Variants in PCYT2 observed in about 807,000 individuals in gnomAD.
PCYT2 encodes the protein phosphate cytidylyltransferase 2, ethanolamine.
A neutral mutation model predicts 50.0 loss-of-function variants in PCYT2; 33 were observed. The observed-to-expected ratio is 0.66, with a 90% confidence interval of 0.50 to 0.88. PCYT2 has a LOEUF of 0.88. Among genes scored for constraint, PCYT2 ranks in the 40% least tolerant of loss-of-function variants. The probability of loss-of-function intolerance (pLI) is 0.00; values close to 1 mark genes in which losing one functional copy is unlikely to be tolerated. For synonymous variants in PCYT2, 240 were observed against 203.7 expected, an observed-to-expected ratio of 1.18 and a Z score of -1.52; for missense variants, 430 against 519.7, an observed-to-expected ratio of 0.83 and a Z score of 1.68.
Position 81,908,898 on chromosome 17 carries a change from G to T in PCYT2, c.318C>A (p.Asn106Lys), listed in dbSNP as rs1317977640. 46 of 1,613,806 alleles carry T rather than the reference G, an allele frequency of 2.9e-5. No individual in the cohort carries two copies. The highest frequency in any genetic ancestry group is 3.9e-5 in the Non-Finnish European group (46 of 1,179,970). Residue 106 changes from asparagine to lysine, a missense_variant, in exon 3 of 13, where the codon AAC (asparagine) becomes AAA (lysine). By Grantham distance (94) the Asn-to-Lys change is moderately conservative. This residue lies in a region of PCYT2 where 117 missense variants were observed against 163.9 expected (regional missense o/e 0.71). Coordinates refer to ENST00000538936, the MANE Select transcript of PCYT2 (RefSeq NM_002861.5). The stretch of plus-strand genomic sequence containing the variant: ...CACTGCCGTGAACACAGAAGTCACA[G>T]TTGTATTTGTCCAGGGTCTCTAGTG... ...VTTLETLDKY[N>K]CDFCVHGNDI...
At position 81,904,707 on chromosome 17, in the gene PCYT2, G is replaced by A. The variant is rs960117279; in HGVS notation, c.*126C>T. On this transcript the variant is annotated 3_prime_UTR_variant, in exon 13 of 13. Transcript: ENST00000538936. ...AGGCACCTTGTAGGCAGGCAAGGAGGCAGAGTCCTCACCAGCCCTTCCAGA... is the reference window on the plus strand; with the variant it reads ...AGGCACCTTGTAGGCAGGCAAGGAGACAGAGTCCTCACCAGCCCTTCCAGA... 23 of 638,232 alleles carry A rather than the reference G, an allele frequency of 3.6e-5. No homozygotes were observed. In the Admixed American group the frequency reaches 5.3e-4, roughly 15 times the overall value. The allele number at this position is 638,232 out of a possible 1,614,324, so 39.5% of individuals were successfully genotyped here.
At chr17:81,909,753 G>A (rs2040475107) in intron 1 of PCYT2, 151 bp from the exon 2 acceptor site, 2 of 637,228 alleles carry the variant, frequency 3.1e-6, no homozygotes, top group Non-Finnish European at 5.9e-6. Flanking sequence ...GGATTCGGAG[G>A]ATGTAGGTGC....
chr17:81,907,731 G>T, intron 5 of PCYT2, 42 bp downstream of exon 5: 1 of 1,598,574 alleles, frequency 6.3e-7, no homozygotes, highest in Non-Finnish European at 8.6e-7. Flanking sequence ...TTCCCCTGGA[G>T]ACCTCGACCC....
intron 6 of PCYT2, chr17:81,907,307 C>G (rs1479201408): frequency 1.4e-6 from 2 of 1,464,232 alleles, no homozygotes. Context: ...CACCTGTCCA[C>G]AGGCAAATCC....
At position 81,906,873 on chromosome 17, in the gene PCYT2, G is replaced by A. The variant is rs1280135874; in HGVS notation, c.563C>T (p.Thr188Ile). The A allele has an allele frequency of 3.1e-5, 50 of 1,613,200 alleles. No individual in the cohort carries two copies. Among genetic ancestry groups the A allele is most frequent in the Non-Finnish European group, 4.2e-5 (50 of 1,179,940 alleles). ...GKCPGGRNPWTGVSQFLQTSQ... is the reference protein window; with the variant it reads ...GKCPGGRNPWIGVSQFLQTSQ... ...TGTCTGCAGGAACTGGGATACCCCG[G>A]TCCAGGGGTTCCGCCCACCAGGGCA... The change falls in exon 7 of 13, where the codon ACC (threonine) becomes ATC (isoleucine). Residue 188 changes from threonine to isoleucine, a missense_variant. By Grantham distance (89) the Thr-to-Ile change is moderately conservative. Transcript: ENST00000538936.
rs977786387 is a variant in PCYT2, at chr17:81,903,342, G to A, written c.*1491C>T. 1 of 152,692 alleles carries A rather than the reference G, an allele frequency of 6.5e-6. No homozygotes were observed. Among genetic ancestry groups the A allele is most frequent in the Non-Finnish European group, 1.5e-5 (1 of 68,346 alleles). The allele number at this position is 152,692 out of a possible 1,614,324, so 9.5% of individuals were successfully genotyped here. ...CATGCCTCCCCAGAGCTGAAGGTGG[G>A]AGATGGGTAGGTTCTCCCTCCGCCG... On this transcript the variant is annotated 3_prime_UTR_variant, in exon 13 of 13. Transcript: ENST00000538936.
Position 81,906,114 on chromosome 17 carries a change from C to T in PCYT2, c.823G>A (p.Val275Met), listed in dbSNP as rs955860969. 26 of 1,612,070 alleles carry T rather than the reference C, an allele frequency of 1.6e-5. No homozygotes were observed. The highest frequency in any genetic ancestry group is 2.0e-5 in the Non-Finnish European group (23 of 1,179,144). ...IMNLHERTLS[V>M]LACRYVSEVV... ...CCCCCACTCACCCGGCAGGCCAGCA[C>T]GCTCAGAGTCCGTTCATGCAGATTC... The change falls in exon 9 of 13, where the codon GTG (valine) becomes ATG (methionine). Residue 275 changes from valine to methionine, a missense_variant. Physicochemically the swap from Val to Met is conservative, Grantham distance 21 (BLOSUM62 1). Around this residue, in one of 4 missense-constraint regions of PCYT2, gnomAD observed 248 missense variants for 300.2 expected, o/e 0.83. Transcript: ENST00000538936.
rs74006131 is a variant in PCYT2 at position 81,908,547 on chromosome 17, A to G, written c.407+21T>C. The G allele has an allele frequency of 0.013, 21,204 of 1,599,908 alleles. 2,393 individuals carry two copies. In the African/African-American group the frequency reaches 0.25, roughly 19 times the overall value. The stretch of plus-strand genomic sequence containing the variant: ...CCCGTGTCCAGCTCCCTGGATGGCC[A>G]GGCCCGCGGTGGAGACTCACCTGTA... On this transcript the variant is annotated intron_variant, in intron 4 of 12. Coordinates refer to ENST00000538936, the MANE Select transcript of PCYT2 (RefSeq NM_002861.5).
intron 1 of PCYT2, chr17:81,910,901 C>CT: frequency 8.1e-6 from 8 of 987,858 alleles, no homozygotes; most frequent in Non-Finnish European, 9.6e-6. Flanking sequence ...CGATGCCCAC[C>CT]TACAGGGACG....
At chr17:81,911,223 G>A (rs1360988530) in intron 1 of PCYT2, 44 bp downstream of exon 1, 2 of 1,027,262 alleles carry the variant, frequency 1.9e-6, no homozygotes, top group Non-Finnish European at 2.3e-6. Flanking sequence ...CCGGAAGGAA[G>A]CCGGCCCCGG....
In PCYT2 at chr17:81,906,910, G is replaced by C; in HGVS notation, c.538-12C>G. 1 of 1,611,632 alleles carries C rather than the reference G, an allele frequency of 6.2e-7. No individual in the cohort carries two copies. The highest frequency in any genetic ancestry group is 8.5e-7 in the Non-Finnish European group (1 of 1,179,128). ...CGCCCACCAGGGCACTGCAAGCCAA[G>C]AGAGGGAGCAGGTTGGCGGGGGAGG... On this transcript the variant is annotated splice_polypyrimidine_tract_variant and intron_variant, in intron 6 of 12. Transcript: ENST00000538936.
chr17:81,902,089 G>A lies in PCYT2; in HGVS notation c.*2744C>T. 1 of 395,184 alleles carries A rather than the reference G, an allele frequency of 2.5e-6. No homozygotes were observed. Among genetic ancestry groups the A allele is most frequent in the Non-Finnish European group, 4.0e-6 (1 of 249,358 alleles). 24.5% of individuals were successfully genotyped at this position (395,184 alleles called of 1,614,324 possible). A position where few individuals can be genotyped will look rare whatever the true frequency, so the allele number is the denominator to read the frequency against. ...CCTTGCGCGCCTCCAGCGCTCGCCC[G>A]CGCGGCTGGTTCCTTTGGGATGCGG... On this transcript the variant is annotated 3_prime_UTR_variant, in exon 13 of 13. Transcript: ENST00000538936.
chr17:81,908,800 C>T lies in PCYT2; in HGVS notation c.340+76G>A, dbSNP rs912833472. 2.2e-5 allele frequency: 32 copies of T among 1,462,834 alleles called. No homozygotes were observed. The East Asian group carries it at 4.3e-4, about 20-fold the overall frequency. 90.6% of individuals were successfully genotyped at this position (1,462,834 alleles called of 1,614,324 possible). A position where few individuals can be genotyped will look rare whatever the true frequency, so the allele number is the denominator to read the frequency against. ...TCAAAGGGCGGAGGCCCCCTGTTCC[C>T]GGATGTCCCACCAGCAGATCTGATC... On this transcript the variant is annotated intron_variant, in intron 3 of 12. Transcript: ENST00000538936.
intron 1 of PCYT2, 118 bp downstream of exon 1, chr17:81,911,149 A>T (rs2040581363): frequency 1.0e-6 from 1 of 1,001,558 alleles, no homozygotes; most frequent in Non-Finnish European, 1.2e-6. Context: ...GCCCCGGCCC[A>T]TGCCGGACGA....
At chr17:81,910,964 T>C (rs984959181) in intron 1 of PCYT2, 12 of 990,150 alleles carry the variant, frequency 1.2e-5, no homozygotes, top group African/African-American at 3.5e-5. Flanking sequence ...AGCTGGTTGC[T>C]GGTGGTTACG....
At chr17:81,908,016 C>A (rs961409842) in intron 4 of PCYT2, among the ~76,000 whole-genome samples, 159 bp from the exon 5 acceptor site, 6 of 152,202 alleles carry the variant, frequency 3.9e-5, no homozygotes, top group African/African-American at 1.4e-4. Flanking sequence ...TAACAGAAAA[C>A]CTGGGTTGGG....
Position 81,911,350 on chromosome 17 carries a change from G to A in PCYT2, c.6C>T (p.Ile2=), listed in dbSNP as rs2040597213. The change falls in exon 1 of 13, where the codon ATC becomes ATT. Residue 2 remains isoleucine (I), a synonymous_variant. Transcript: ENST00000538936. M[I]RNGRGAAGGA... is the part of the protein sequence containing the mutation. The stretch of plus-strand genomic sequence containing the variant: ...CGCCTGCAGCCCCGCGCCCGTTCCG[G>A]ATCATGGCCCCGCAGCGGCGGCGCG... The A allele has an allele frequency of 9.3e-7, 1 of 1,076,756 alleles. No individual in the cohort carries two copies. 66.7% of individuals were successfully genotyped at this position (1,076,756 alleles called of 1,614,324 possible). A position where few individuals can be genotyped will look rare whatever the true frequency, so the allele number is the denominator to read the frequency against.
Position 81,902,264 on chromosome 17 carries a change from C to T in PCYT2, c.*2569G>A. ...AGCCCGGACGCCGCCGCCCACCAGT[C>T]AGCCGGCGTCCCCATGGCCCGGTCC... On this transcript the variant is annotated 3_prime_UTR_variant, in exon 13 of 13. Transcript: ENST00000538936. 1 of 1,243,258 alleles carries T rather than the reference C, an allele frequency of 8.0e-7. No individual in the cohort carries two copies. Among genetic ancestry groups the T allele is most frequent in the Non-Finnish European group, 1.0e-6 (1 of 995,494 alleles). The allele number at this position is 1,243,258 out of a possible 1,614,324, so 77.0% of individuals were successfully genotyped here.
Position 81,906,175 on chromosome 17 carries a change from C to T in PCYT2, c.762G>A (p.Glu254=), listed in dbSNP as rs758341084. 35 of 1,610,574 alleles carry T rather than the reference C, an allele frequency of 2.2e-5. No individual in the cohort carries two copies. The highest frequency in any genetic ancestry group is 5.0e-5 in the Admixed American group (3 of 59,524). ...AGTTCTTCCCCTTGTAGTGATTGACCTCCTGCGGCCAGAGTGCGGCTAGCT... is the reference window on the plus strand; with the variant it reads ...AGTTCTTCCCCTTGTAGTGATTGACTTCCTGCGGCCAGAGTGCGGCTAGCT... ...YIIAGLHFDQ[E]VNHYKGKNYP... The change falls in exon 9 of 13, where the codon GAG becomes GAA. Residue 254 remains glutamate (E), a splice_region_variant and synonymous_variant. Coordinates refer to ENST00000538936, the MANE Select transcript of PCYT2 (RefSeq NM_002861.5).
Sources: allele counts gnomAD v4.1 joint callset (sites outside exome capture counted in the v4.1 genomes callset), GRCh38; gene constraint gnomAD v4.1.1; regional missense constraint gnomAD v4.1.1; transcripts MANE v1.5; gene names NCBI Gene and HGNC (gene_info 2026-07-23, HGNC 2026-07-21).